Variants in PIWIL4 observed in about 807,000 individuals in gnomAD.
PIWIL4 encodes piwi-like protein 4.
PIWIL4 carries 50 observed loss-of-function variants against 100.9 expected under a neutral mutation model. The observed-to-expected ratio is 0.50, with a 90% confidence interval of 0.39 to 0.63. The LOEUF (loss-of-function observed/expected upper bound fraction) is 0.63, where lower values mean the gene tolerates loss of function less well. Among genes scored for constraint, PIWIL4 ranks in the 20% least tolerant of loss-of-function variants. PIWIL4 has a pLI of 0.00. For synonymous variants in PIWIL4, 342 were observed against 367.5 expected, an observed-to-expected ratio of 0.93 and a Z score of 0.79; for missense variants, 887 against 1,043.3, an observed-to-expected ratio of 0.85 and a Z score of 2.06.
At chr11:94,612,176 C>G in intron 15 of PIWIL4, among the ~76,000 whole-genome samples, 1 of 135,078 alleles carries the variant, frequency 7.4e-6, no homozygotes, top group African/African-American at 2.6e-5. Context: ...TATTGTATTG[C>G]TGTTTCTCTC....
chr11:94,607,316 G>A, intron 13 of PIWIL4, 123 bp from the exon 14 acceptor site: 1 of 826,998 alleles, frequency 1.2e-6, no homozygotes, highest in South Asian at 1.7e-5. Flanking sequence ...TGTTAGTGTT[G>A]CTTCTTGGGA....
intron 8 of PIWIL4, among the ~76,000 whole-genome samples, chr11:94,590,869 C>A (rs1948476513): frequency 6.6e-6 from 1 of 152,152 alleles, no homozygotes; most frequent in Non-Finnish European, 1.5e-5. Flanking sequence ...CTCACCCTCA[C>A]AGCCATCAGA....
chr11:94,581,154 C>T (rs1487990321), intron 4 of PIWIL4, among the ~76,000 whole-genome samples: 1 of 152,082 alleles, frequency 6.6e-6, no homozygotes, highest in Non-Finnish European at 1.5e-5. Flanking sequence ...CCCGCCTCAG[C>T]CTCCCAAAGT....
Position 94,607,618 on chromosome 11 carries a change from GC to G in PIWIL4, c.1819del (p.Leu607CysfsTer8). On this transcript the variant is annotated frameshift_variant, in exon 14 of 20. Coordinates refer to ENST00000299001, the MANE Select transcript of PIWIL4 (RefSeq NM_152431.3). LOFTEE classifies it high-confidence loss of function. The stretch of plus-strand genomic sequence containing the variant: ...AGATGACTTGCAAGCTCGGAGGCGA[GC>G]TGTGGGCTGTGGAAATACCTGTAAG... ...MQMTCKLGGE[L>X]WAVEIPLKSL... is the part of the protein sequence containing the mutation. 1.1e-5 allele frequency: 18 copies of G among 1,614,008 alleles called. No individual in the cohort carries two copies. Among genetic ancestry groups the G allele is most frequent in the Non-Finnish European group, 1.4e-5 (17 of 1,179,964 alleles).
chr11:94,583,145 C>T (rs891526185), intron 4 of PIWIL4, among the ~76,000 whole-genome samples: 1 of 150,304 alleles, frequency 6.7e-6, no homozygotes, highest in Non-Finnish European at 1.5e-5. Flanking sequence ...CCCTCCCGCT[C>T]CCTAGAAAAA....
chr11:94,588,111 C>A (rs1026907837), intron 7 of PIWIL4, among the ~76,000 whole-genome samples: 2 of 152,074 alleles, frequency 1.3e-5, no homozygotes, highest in South Asian at 4.1e-4. Context: ...CTCCCTCCCC[C>A]CGACCCTATC....
Position 94,620,143 on chromosome 11 carries a change from C to G in PIWIL4, c.2441C>G (p.Pro814Arg), listed in dbSNP as rs200034919. Residue 814 changes from proline to arginine, a missense_variant and splice_region_variant, in exon 19 of 20, where the codon CCG becomes CGG. Physicochemically the swap from Pro to Arg is moderately radical, Grantham distance 103. Transcript: ENST00000299001. ...FKLCHLYYNWPGIVSVPAPCQ... is the reference protein window; with the variant it reads ...FKLCHLYYNWRGIVSVPAPCQ... ...TTGTGCCACCTGTACTACAACTGGC[C>G]GGTGAGTGAAAGCTGTTTACTTAAT... 2 of 1,583,746 alleles carry G rather than the reference C, an allele frequency of 1.3e-6. No homozygotes were observed. The highest frequency in any genetic ancestry group is 1.7e-6 in the Non-Finnish European group (2 of 1,165,550).
At chr11:94,611,905 T>A (rs894892038) in intron 15 of PIWIL4, among the ~76,000 whole-genome samples, 7 of 151,700 alleles carry the variant, frequency 4.6e-5, no homozygotes, top group Admixed American at 1.3e-4. Flanking sequence ...CAGTCTAAAG[T>A]GTTTCTTTAT....
rs10765689 is a variant in PIWIL4, at chr11:94,589,519, C to A, written c.1026+287C>A. Reference sequence around the variant, plus strand: ...TGTCTCCTTATTGCCTTAGGACCACCTGTAAGCCCTTTAGCAGAGTTTCCA... The same window carrying A: ...TGTCTCCTTATTGCCTTAGGACCACATGTAAGCCCTTTAGCAGAGTTTCCA... On this transcript the variant is annotated intron_variant, in intron 8 of 19. Transcript: ENST00000299001. Among the ~76,000 whole-genome samples, 45,315 of 151,830 alleles carry A rather than the reference C, an allele frequency of 0.3. 6,888 individuals carry two copies. Among genetic ancestry groups the A allele is most frequent in the East Asian group, 0.42 (2,154 of 5,148 alleles).
chr11:94,585,719 T>C lies in PIWIL4; in HGVS notation c.716+194T>C, dbSNP rs34822734. Among the ~76,000 whole-genome samples the C allele has an allele frequency of 6.3e-3, 961 of 152,346 alleles. 7 individuals are homozygous for C. The highest frequency in any genetic ancestry group is 0.014 in the African/African-American group (575 of 41,576). On this transcript the variant is annotated intron_variant, in intron 6 of 19. Transcript: ENST00000299001. Reference sequence around the variant, plus strand: ...TGAAGCTAGCAGCTTTGTTTTCTTATATTAGTGTGATAGATAATTATCACA... The same window carrying C: ...TGAAGCTAGCAGCTTTGTTTTCTTACATTAGTGTGATAGATAATTATCACA...
At position 94,583,455 on chromosome 11, in the gene PIWIL4, A is replaced by C; in HGVS notation, c.521A>C (p.Glu174Ala). The C allele has an allele frequency of 6.2e-7, 1 of 1,613,756 alleles. No homozygotes were observed. Among genetic ancestry groups the C allele is most frequent in the Non-Finnish European group, 8.5e-7 (1 of 1,179,680 alleles). Residue 174 changes from glutamate (E) to alanine (A), a missense_variant, in exon 5 of 20, where the codon GAG becomes GCG. By Grantham distance (107) the Glu-to-Ala change is moderately radical (BLOSUM62 -1). Transcript: ENST00000299001. ...AGTACCTCTTTTTCCCAGGTCACAG[A>C]GTTGTCAAGTGAAACTCAAAGAGGT... Reference protein sequence around the residue: ...LSQKLEEKVTELSSETQRGET... With the variant: ...LSQKLEEKVTALSSETQRGET...
rs1347492260 is a variant in PIWIL4 at position 94,608,369 on chromosome 11, TTAAGA to T, written c.1840-209_1840-205del. The T allele has an allele frequency of 8.4e-6, 4 of 474,540 alleles. No homozygotes were observed. In the East Asian group the frequency reaches 1.4e-4, roughly 17 times the overall value. 29.4% of individuals were successfully genotyped at this position (474,540 alleles called of 1,614,324 possible). A position where few individuals can be genotyped will look rare whatever the true frequency, so the allele number is the denominator to read the frequency against. ...GTTATCTTGGACGGTAGTGTTTCTC[TTAAGA>T]TAAGTGTGTACCATATTCTTCCTGC... On this transcript the variant is annotated intron_variant, in intron 14 of 19. Transcript: ENST00000299001.
rs1300609793 is a variant in PIWIL4 at position 94,621,231 on chromosome 11, A to C, written c.*239A>C. The C allele has an allele frequency of 2.3e-6, 1 of 430,144 alleles. No individual in the cohort carries two copies. The highest frequency in any genetic ancestry group is 4.2e-6 in the Non-Finnish European group (1 of 240,066). The allele number at this position is 430,144 out of a possible 1,614,324, so 26.6% of individuals were successfully genotyped here. A position where few individuals can be genotyped will look rare whatever the true frequency, so the allele number is the denominator to read the frequency against. ...ATTGTCATATGTGGAATTTAAATAT[A>C]CCATCATCTACAAAGAATTCCACAG... On this transcript the variant is annotated 3_prime_UTR_variant, in exon 20 of 20. Transcript: ENST00000299001.
intron 15 of PIWIL4, among the ~76,000 whole-genome samples, chr11:94,614,885 C>G (rs1368974217): frequency 1.3e-5 from 2 of 152,164 alleles, no homozygotes; most frequent in African/African-American, 2.4e-5. Context: ...TCTGTTTTCC[C>G]TAGGGTGGTG....
Position 94,619,638 on chromosome 11 carries a change from T to A in PIWIL4, c.2169-122T>A, listed in dbSNP as rs1948884775. On this transcript the variant is annotated intron_variant, in intron 17 of 19. Coordinates refer to ENST00000299001, the MANE Select transcript of PIWIL4 (RefSeq NM_152431.3). ...GGAGGGATTGTAGGTAATTTTTATTTTCTGTTTTGCAGTGTTTTTCAAATG... is the reference window on the plus strand; with the variant it reads ...GGAGGGATTGTAGGTAATTTTTATTATCTGTTTTGCAGTGTTTTTCAAATG... 5 of 1,146,690 alleles carry A rather than the reference T, an allele frequency of 4.4e-6. No homozygotes were observed. In the South Asian group the frequency reaches 8.7e-5, roughly 20 times the overall value. The allele number at this position is 1,146,690 out of a possible 1,614,324, so 71.0% of individuals were successfully genotyped here.
intron 2 of PIWIL4, among the ~76,000 whole-genome samples, chr11:94,571,024 C>T (rs931712067): frequency 6.6e-6 from 1 of 152,174 alleles, no homozygotes; most frequent in African/African-American, 2.4e-5. Context: ...TAGGTTCTCC[C>T]AGACTCTGAG....
At chr11:94,588,165 T>C (rs1196746261) in intron 7 of PIWIL4, among the ~76,000 whole-genome samples, 1 of 151,828 alleles carries the variant, frequency 6.6e-6, no homozygotes, top group Non-Finnish European at 1.5e-5. Context: ...CTCGTGTCCA[T>C]GTGTTCTCAT....
In PIWIL4 at chr11:94,575,125, A is replaced by C; in HGVS notation, c.293A>C (p.Lys98Thr). 1 of 1,613,406 alleles carries C rather than the reference A, an allele frequency of 6.2e-7. No individual in the cohort carries two copies. The highest frequency in any genetic ancestry group is 8.5e-7 in the Non-Finnish European group (1 of 1,179,810). ...REKLAHVRNC[K>T]TGSSGIPVKL... ...AAATTGGCACATGTGAGAAATTGTA[A>C]AACAGGTACCCAGTTTTATGTCACT... is the stretch of plus-strand genomic sequence containing the variant. The change falls in exon 3 of 20, where the codon AAA becomes ACA. Residue 98 changes from lysine (K) to threonine (T), a missense_variant. Around this residue, in one of 2 missense-constraint regions of PIWIL4, gnomAD observed 741 missense variants for 930.0 expected, o/e 0.80. Transcript: ENST00000299001.
chr11:94,576,942 T>C (rs1304563273), intron 3 of PIWIL4, among the ~76,000 whole-genome samples: 1 of 152,244 alleles, frequency 6.6e-6, no homozygotes, highest in Non-Finnish European at 1.5e-5. Context: ...AAAATATTAC[T>C]TGAGCCGATT....
Sources: allele counts gnomAD v4.1 joint callset (sites outside exome capture counted in the v4.1 genomes callset), GRCh38; gene constraint gnomAD v4.1.1; regional missense constraint gnomAD v4.1.1; transcripts MANE v1.5; gene names NCBI Gene and HGNC (gene_info 2026-07-23, HGNC 2026-07-21).